Variants in MYH14 observed in about 807,000 individuals in gnomAD.
The protein encoded by MYH14 is myosin-14.
A neutral mutation model predicts 255.5 loss-of-function variants in MYH14; 123 were observed. The observed-to-expected ratio is 0.48, with a 90% CI of 0.42 to 0.56. The LOEUF (loss-of-function observed/expected upper bound fraction) is 0.56. MYH14 is among the 20% of genes least tolerant of loss of function. The pLI is 0.00. For missense variants in MYH14, 2,423 were observed against 2,802.3 expected (o/e 0.86, Z 3.06); for synonymous variants, 1,095 against 1,161.2 (o/e 0.94, Z 1.16).
Position 50,266,764 on chromosome 19 carries a change from C to A in MYH14, c.2695-113C>A. 1 of 1,416,090 alleles carries A rather than the reference C, an allele frequency of 7.1e-7. No homozygotes were observed. The highest frequency in any genetic ancestry group is 2.5e-5 in the East Asian group (1 of 39,954). 87.7% of individuals were successfully genotyped at this position (1,416,090 alleles called of 1,614,324 possible). On this transcript the variant is annotated intron_variant, in intron 22 of 42. Transcript: ENST00000642316. This position sits in a 1 kb window ranked among gnomAD's most constrained non-coding sequence, Gnocchi z 4.1. ...AGGGACTGTTGCCAAGGCGGGGACACACAGCTAATAGGTGGAGGAGAAGGG... is the reference window on the plus strand; with the variant it reads ...AGGGACTGTTGCCAAGGCGGGGACAAACAGCTAATAGGTGGAGGAGAAGGG...
chr19:50,265,236 G>T (rs1462329361), intron 22 of MYH14, among the ~76,000 whole-genome samples: 1 of 152,140 alleles, frequency 6.6e-6, no homozygotes, highest in African/African-American at 2.4e-5. Context: ...CAGAAGCTGA[G>T]GTTAGGGGCT....
At chr19:50,209,538 A>G (rs2032029360) in intron 1 of MYH14, among the ~76,000 whole-genome samples, 1 of 152,136 alleles carries the variant, frequency 6.6e-6, no homozygotes, top group Non-Finnish European at 1.5e-5. Context: ...TAATCCCAGC[A>G]CTTTGGGAGG....
rs957453533 is a variant in MYH14 at position 50,252,082 on chromosome 19, A to C, written c.1831-557A>C. Among the ~76,000 whole-genome samples, 1 of 152,162 alleles carries C rather than the reference A, an allele frequency of 6.6e-6. No individual in the cohort carries two copies. The highest frequency in any genetic ancestry group is 1.5e-5 in the Non-Finnish European group (1 of 68,026). On this transcript the variant is annotated intron_variant, in intron 15 of 42. Transcript: ENST00000642316. The surrounding 1 kb of genome is among the most constrained non-coding windows in gnomAD (Gnocchi z 4.2). ...TCCATGTGTTCTGTGTCTAGCCCTC[A>C]GTTTCTTCCCCAGACATACTCCAGA... is the stretch of plus-strand genomic sequence containing the variant.
At position 50,293,467 on chromosome 19, in the gene MYH14, G is replaced by A; in HGVS notation, c.5346-97G>A. ...GGCCCCTGGGGTGTGAGGCTGGGGA[G>A]ATGCGTGGGGCTAACCACAGGGTCC... On this transcript the variant is annotated intron_variant, in intron 38 of 42. Coordinates refer to ENST00000642316, the MANE Select transcript of MYH14 (RefSeq NM_001145809.2). The surrounding 1 kb of genome is among the most constrained non-coding windows in gnomAD (Gnocchi z 4.1). 6.4e-7 allele frequency: 1 copy of A among 1,557,402 alleles called. No homozygotes were observed. The highest frequency in any genetic ancestry group is 8.7e-7 in the Non-Finnish European group (1 of 1,147,928).
intron 12 of MYH14, among the ~76,000 whole-genome samples, chr19:50,247,851 C>T (rs1363574519): frequency 6.6e-6 from 1 of 151,820 alleles, no homozygotes; most frequent in Non-Finnish European, 1.5e-5. Context: ...AGATTGAGCT[C>T]AGGAGTTCAA....
chr19:50,209,651 G>A (rs1568460447), intron 1 of MYH14, among the ~76,000 whole-genome samples: 1 of 151,872 alleles, frequency 6.6e-6, no homozygotes, highest in Non-Finnish European at 1.5e-5. Context: ...GGGTATGGTG[G>A]CAGGCGCCTG....
intron 16 of MYH14, among the ~76,000 whole-genome samples, chr19:50,253,058 C>T (rs2034461964): frequency 6.6e-6 from 1 of 152,188 alleles, no homozygotes; most frequent in East Asian, 1.9e-4. Context: ...TTTAGCAATA[C>T]TAGCCTATGC....
At chr19:50,265,647 C>T (rs779862077) in intron 22 of MYH14, among the ~76,000 whole-genome samples, 1 of 152,016 alleles carries the variant, frequency 6.6e-6, no homozygotes, top group African/African-American at 2.4e-5. Flanking sequence ...ATGATGGAAC[C>T]CTGTCACTAC....
chr19:50,305,171 T>G (rs1407107783), intron 40 of MYH14, among the ~76,000 whole-genome samples: 1 of 150,414 alleles, frequency 6.6e-6, no homozygotes, highest in African/African-American at 2.5e-5. Context: ...GGGGCTAAGG[T>G]GGGAATGGAT....
intron 40 of MYH14, among the ~76,000 whole-genome samples, chr19:50,306,416 A>C (rs1252332968): frequency 3.3e-5 from 5 of 152,340 alleles, no homozygotes; most frequent in African/African-American, 1.2e-4. Flanking sequence ...CCCGATTGCT[A>C]GAGGTCCCAT....
intron 10 of MYH14, among the ~76,000 whole-genome samples, chr19:50,241,701 G>A (rs1421374204): frequency 6.6e-6 from 1 of 150,908 alleles, no homozygotes; most frequent in African/African-American, 2.4e-5. Context: ...TGAGTGCAGT[G>A]GTGCAATCAT....
At chr19:50,207,683 G>A (rs555909512) in intron 1 of MYH14, among the ~76,000 whole-genome samples, 65 of 152,350 alleles carry the variant, frequency 4.3e-4, no homozygotes, top group African/African-American at 1.5e-3. Flanking sequence ...GTTCACTGAA[G>A]CAGTGAGATT....
In MYH14 at chr19:50,307,118, G is replaced by A. The variant is rs1459840642; in HGVS notation, c.5748G>A (p.Val1916=). ...GGCTTAAAGAGGTGGTGCTCCAGGT[G>A]GAGGAGGAGCGGAGGGTGGCTGACC... ...EKRLKEVVLQ[V]EEERRVADQL... is the part of the protein sequence containing the mutation. The change falls in exon 41 of 43, where the codon GTG becomes GTA. Residue 1916 remains valine, a synonymous_variant. Transcript: ENST00000642316. The A allele has an allele frequency of 5.8e-6, 9 of 1,550,374 alleles. No homozygotes were observed. The Admixed American group carries it at 1.4e-4, about 24-fold the overall frequency.
chr19:50,281,124 A>G (rs563896819), intron 32 of MYH14, among the ~76,000 whole-genome samples: 61 of 152,342 alleles, frequency 4.0e-4, no homozygotes, highest in African/African-American at 1.5e-3. Flanking sequence ...AGAAATGCCT[A>G]TTGAATGAAT....
At chr19:50,229,118 A>C (rs908583557) in intron 8 of MYH14, among the ~76,000 whole-genome samples, 1 of 152,128 alleles carries the variant, frequency 6.6e-6, no homozygotes, top group Non-Finnish European at 1.5e-5. Context: ...GTTGTCCCCC[A>C]GGGTTCGACA....
intron 36 of MYH14, 145 bp from the exon 37 acceptor site, chr19:50,292,116 C>A: frequency 2.6e-6 from 2 of 761,306 alleles, no homozygotes; most frequent in Non-Finnish European, 3.8e-6. Flanking sequence ...TGGCTTTATA[C>A]ACAGGAGCCC....
Position 50,286,463 on chromosome 19 carries a change from A to G in MYH14, c.4540-19A>G, listed in dbSNP as rs2035891022. The G allele has an allele frequency of 6.2e-7, 1 of 1,605,062 alleles. No homozygotes were observed. Among genetic ancestry groups the G allele is most frequent in the African/African-American group, 1.3e-5 (1 of 74,792 alleles). ...CAGCTAATCTATTTCCCCCTACCCC[A>G]TCTCCCTCAAACTGGAAGCTTCTGG... is the stretch of plus-strand genomic sequence containing the variant. On this transcript the variant is annotated intron_variant, in intron 33 of 42. Coordinates refer to ENST00000642316, the MANE Select transcript of MYH14 (RefSeq NM_001145809.2).
rs79143934 is a variant in MYH14, at chr19:50,231,734, T to G, written c.974-196T>G. On this transcript the variant is annotated intron_variant, in intron 9 of 42. Transcript: ENST00000642316. Reference sequence around the variant, plus strand: ...TCTCTAAAAAATTAAAAAAAAAAAATAGAGACAGAGTGGTGGTCTCATAGG... The same window carrying G: ...TCTCTAAAAAATTAAAAAAAAAAAAGAGAGACAGAGTGGTGGTCTCATAGG... 0.24 allele frequency among the ~76,000 whole-genome samples: 36,634 copies of G among 150,618 alleles called. 4,690 individuals are homozygous for G. Among genetic ancestry groups the G allele is most frequent in the Admixed American group, 0.28 (4,274 of 15,178 alleles).
At chr19:50,287,519 C>T (rs2035931715) in intron 34 of MYH14, among the ~76,000 whole-genome samples, 2 of 152,044 alleles carry the variant, frequency 1.3e-5, no homozygotes, top group Non-Finnish European at 2.9e-5. Context: ...CTCAAGCAGT[C>T]CTCCTGCCTC....
Sources: gnomAD v4.1 joint callset for allele counts (sites outside exome capture counted in the v4.1 genomes callset) on GRCh38, gnomAD v4.1.1 for gene constraint, Gnocchi (gnomAD v3.1) non-coding constraint, MANE v1.5 for transcripts, NCBI Gene and HGNC (gene_info 2026-07-23, HGNC 2026-07-21) for gene names.